The following TNIK variants were observed in gnomAD, a reference collection of about 807,000 sequenced individuals.
TNIK encodes the protein TRAF2 and NCK interacting kinase, also known as TRAF2 and NCK-interacting protein kinase.
TNIK carries 49 observed loss-of-function variants against 191.3 expected under a neutral mutation model. That is an observed-to-expected ratio of 0.26 (90% confidence interval 0.20 to 0.32). TNIK has a LOEUF of 0.32. Ranked by LOEUF, TNIK falls within the 10% of genes least tolerant of loss-of-function variation. The probability of loss-of-function intolerance (pLI) is 1.00; values close to 1 mark genes in which losing one functional copy is unlikely to be tolerated. For synonymous variants in TNIK, 594 were observed against 600.9 expected, an observed-to-expected ratio of 0.99 and a Z score of 0.17; for missense variants, 1,155 against 1,702.3, an observed-to-expected ratio of 0.68 and a Z score of 5.66.
At chr3:171,272,726 T>C (rs963048606) in intron 2 of TNIK, among the ~76,000 whole-genome samples, 9 of 152,236 alleles carry the variant, frequency 5.9e-5, no homozygotes, top group Admixed American at 2.6e-4. Flanking sequence ...TCTGGTTACT[T>C]ATCGTTTTTC....
At chr3:171,381,143 G>A (rs1240958319) in intron 1 of TNIK, among the ~76,000 whole-genome samples, 1 of 151,964 alleles carries the variant, frequency 6.6e-6, no homozygotes, top group African/African-American at 2.4e-5. Flanking sequence ...AGTTTTGCAA[G>A]GCAGATAACA....
At chr3:171,453,854 A>T (rs1265913668) in intron 1 of TNIK, among the ~76,000 whole-genome samples, 1 of 152,180 alleles carries the variant, frequency 6.6e-6, no homozygotes, top group Non-Finnish European at 1.5e-5. Context: ...GACAACCAGG[A>T]CATGTAAAAA....
At chr3:171,120,671 T>A (rs1056796678) in intron 18 of TNIK, among the ~76,000 whole-genome samples, 1 of 152,102 alleles carries the variant, frequency 6.6e-6, no homozygotes, top group African/African-American at 2.4e-5. Context: ...CTCACTCACA[T>A]CATAATATAC....
chr3:171,133,933 G>A (rs1313810994), intron 15 of TNIK, among the ~76,000 whole-genome samples: 1 of 152,062 alleles, frequency 6.6e-6, no homozygotes, highest in Admixed American at 6.6e-5. Flanking sequence ...CACAGAAAGA[G>A]AACACGATGG....
At chr3:171,434,393 C>T (rs1725755838) in intron 1 of TNIK, among the ~76,000 whole-genome samples, 1 of 152,046 alleles carries the variant, frequency 6.6e-6, no homozygotes. Flanking sequence ...TTTGAGGTAT[C>T]ATCTGTAAAT....
At chr3:171,183,365 T>A (rs1395458659) in intron 7 of TNIK, among the ~76,000 whole-genome samples, 1 of 152,134 alleles carries the variant, frequency 6.6e-6, no homozygotes, top group Non-Finnish European at 1.5e-5. Context: ...GACAATAGCT[T>A]AATAATGGGC....
intron 2 of TNIK, among the ~76,000 whole-genome samples, chr3:171,365,202 GAC>G (rs1278195987): frequency 9.8e-5 from 3 of 30,532 alleles, no homozygotes; most frequent in Non-Finnish European, 2.4e-4. Flanking sequence ...TTTTTTTTGA[GAC>G]AGAGTTTCGC....
At chr3:171,114,328 C>T (rs188081018) in intron 18 of TNIK, among the ~76,000 whole-genome samples, 34 of 152,308 alleles carry the variant, frequency 2.2e-4, no homozygotes, top group Non-Finnish European at 4.7e-4. Flanking sequence ...TTGCTCTGCC[C>T]AGTTTAAGAG....
In TNIK at chr3:171,062,169, T is replaced by A. The variant is rs2108290100; in HGVS notation, c.*1712A>T. ...GGCAAAGTCAGTAAGATCGTAGTTTTTTTTGTTGTTGTTGTTCCATTTACA... is the reference window on the plus strand; with the variant it reads ...GGCAAAGTCAGTAAGATCGTAGTTTATTTTGTTGTTGTTGTTCCATTTACA... On this transcript the variant is annotated 3_prime_UTR_variant, in exon 33 of 33. Coordinates refer to ENST00000436636, the MANE Select transcript of TNIK (RefSeq NM_015028.4). 6.6e-6 allele frequency: 1 copy of A among 152,304 alleles called. No homozygotes were observed. Among genetic ancestry groups the A allele is most frequent in the Non-Finnish European group, 1.5e-5 (1 of 68,018 alleles). The allele number at this position is 152,304 out of a possible 1,614,324, so 9.4% of individuals were successfully genotyped here.
In TNIK at chr3:171,460,076, G is replaced by C. The variant is rs1729292219; in HGVS notation, c.-13C>G. On this transcript the variant is annotated 5_prime_UTR_variant, in exon 1 of 33. Coordinates refer to ENST00000436636, the MANE Select transcript of TNIK (RefSeq NM_015028.4). The surrounding 1 kb of genome is among the most constrained non-coding windows in gnomAD (Gnocchi z 6.8). ...AGTCGCTCGCCATGTCTACTTCTTC[G>C]CTGGAGAAATGGACCAAAACCACCC... 1 of 1,601,836 alleles carries C rather than the reference G, an allele frequency of 6.2e-7. No homozygotes were observed.
intron 2 of TNIK, among the ~76,000 whole-genome samples, chr3:171,263,117 C>T (rs1747853319): frequency 6.6e-6 from 1 of 152,200 alleles, no homozygotes; most frequent in East Asian, 1.9e-4. Flanking sequence ...AGGCTATTCC[C>T]AGCCTTAAAA....
At chr3:171,141,126 C>CCAT (rs1359962215) in intron 12 of TNIK, among the ~76,000 whole-genome samples, 5 of 152,070 alleles carry the variant, frequency 3.3e-5, no homozygotes, top group Non-Finnish European at 5.9e-5. Context: ...TGCTTGGGAG[C>CCAT]CATCATCATC....
At chr3:171,215,306 G>A (rs1475178479) in intron 3 of TNIK, among the ~76,000 whole-genome samples, 3 of 152,254 alleles carry the variant, frequency 2.0e-5, no homozygotes, top group Admixed American at 6.5e-5. Flanking sequence ...TCATCATGTG[G>A]TCATAAAACA....
chr3:171,324,490 C>T (rs1755528236), intron 2 of TNIK, among the ~76,000 whole-genome samples: 1 of 151,960 alleles, frequency 6.6e-6, no homozygotes, highest in Admixed American at 6.6e-5. Flanking sequence ...GCTGAGTGAG[C>T]CCTGTTGTAT....
At chr3:171,137,864 A>C (rs1283092756) in intron 15 of TNIK, among the ~76,000 whole-genome samples, 1 of 152,114 alleles carries the variant, frequency 6.6e-6, no homozygotes, top group African/African-American at 2.4e-5. Context: ...AAAGGTCACT[A>C]AAAATCCTCC....
At chr3:171,423,564 A>G (rs1343416992) in intron 1 of TNIK, among the ~76,000 whole-genome samples, 12 of 152,258 alleles carry the variant, frequency 7.9e-5, no homozygotes, top group East Asian at 5.8e-4. Flanking sequence ...GAGGCATCAC[A>G]CTACCTGACT....
intron 2 of TNIK, among the ~76,000 whole-genome samples, chr3:171,233,381 A>C (rs1475065666): frequency 1.3e-5 from 2 of 152,150 alleles, no homozygotes; most frequent in Non-Finnish European, 2.9e-5. Flanking sequence ...AGAATGTAGA[A>C]TATGTAGTAA....
intron 2 of TNIK, among the ~76,000 whole-genome samples, chr3:171,260,904 G>A (rs1747523769): frequency 6.6e-6 from 1 of 152,144 alleles, no homozygotes; most frequent in Non-Finnish European, 1.5e-5. Flanking sequence ...GATAACGAGG[G>A]TTATTACCGA....
intron 2 of TNIK, among the ~76,000 whole-genome samples, chr3:171,245,226 G>C (rs936355310): frequency 5.9e-5 from 9 of 152,094 alleles, no homozygotes; most frequent in Admixed American, 1.3e-4. Context: ...ACTCAACTTA[G>C]GTAAGGATGT....
Sources: gnomAD v4.1 joint callset for allele counts (sites outside exome capture counted in the v4.1 genomes callset) on GRCh38, gnomAD v4.1.1 for gene constraint, Gnocchi (gnomAD v3.1) non-coding constraint, MANE v1.5 for transcripts, NCBI Gene and HGNC (gene_info 2026-07-23, HGNC 2026-07-21) for gene names.